The following UBTD1 variants were observed in gnomAD, a reference collection of about 807,000 sequenced individuals.
The protein encoded by UBTD1 is ubiquitin domain containing 1, also known as ubiquitin domain-containing protein 1.
A neutral mutation model predicts 21.7 loss-of-function variants in UBTD1; 19 were observed. That is an observed-to-expected ratio of 0.87 (90% CI 0.61 to 1.28). The LOEUF (loss-of-function observed/expected upper bound fraction) is 1.28, where lower values mean the gene tolerates loss of function less well. UBTD1 is among the 50% of genes most tolerant of loss of function. The pLI, the probability that UBTD1 is intolerant of heterozygous loss-of-function variation, is 0.00. For synonymous variants in UBTD1, 116 were observed against 135.1 expected (o/e 0.86, Z 0.98); for missense variants, 282 against 315.1 (o/e 0.89, Z 0.80).
chr10:97,514,663 T>G (rs951044166), intron 1 of UBTD1, among the ~76,000 whole-genome samples: 23 of 152,146 alleles, frequency 1.5e-4, no homozygotes, highest in Non-Finnish European at 3.1e-4. Context: ...CAAGGTCGTC[T>G]TATCTTCATT....
intron 1 of UBTD1, among the ~76,000 whole-genome samples, chr10:97,547,766 T>C (rs925438443): frequency 5.3e-5 from 8 of 152,176 alleles, no homozygotes; most frequent in African/African-American, 1.7e-4. Context: ...GGTTTCACCA[T>C]GTTGGCCAGG....
chr10:97,543,950 T>C (rs1446338095), intron 1 of UBTD1, among the ~76,000 whole-genome samples: 2 of 151,880 alleles, frequency 1.3e-5, no homozygotes, highest in Non-Finnish European at 2.9e-5. Context: ...ATCTGGACTG[T>C]TAAGTTAGTT....
At chr10:97,556,173 A>C (rs1477642770) in intron 1 of UBTD1, among the ~76,000 whole-genome samples, 2 of 152,166 alleles carry the variant, frequency 1.3e-5, no homozygotes, top group African/African-American at 4.8e-5. Context: ...TTATTATAAG[A>C]GTTTTAAATT....
chr10:97,509,886 C>T (rs1379566369), intron 1 of UBTD1, among the ~76,000 whole-genome samples: 4 of 151,844 alleles, frequency 2.6e-5, no homozygotes, highest in African/African-American at 7.3e-5. Flanking sequence ...CTCCTGACCT[C>T]GTGATCCACC....
chr10:97,540,761 T>G (rs1306327353), intron 1 of UBTD1, among the ~76,000 whole-genome samples: 2 of 152,206 alleles, frequency 1.3e-5, no homozygotes, highest in Non-Finnish European at 2.9e-5. Context: ...GAGCTGGGTA[T>G]CTAGACGTCA....
chr10:97,563,477 T>C (rs973816218), intron 1 of UBTD1, among the ~76,000 whole-genome samples: 1 of 151,838 alleles, frequency 6.6e-6, no homozygotes, highest in Non-Finnish European at 1.5e-5. Context: ...AGTAGATTGA[T>C]AGTGTGGTGG....
Sources: gnomAD v4.1 joint callset for allele counts (sites outside exome capture counted in the v4.1 genomes callset) on GRCh38, gnomAD v4.1.1 for gene constraint, MANE v1.5 for transcripts, NCBI Gene and HGNC (gene_info 2026-07-23, HGNC 2026-07-21) for gene names.